PAMR1: variants seen among roughly 807,000 people sequenced by gnomAD.
The protein encoded by PAMR1 is peptidase domain containing associated with muscle regeneration 1, also known as inactive serine protease PAMR1.
PAMR1 carries 88 observed loss-of-function variants against 81.8 expected under a neutral mutation model. The observed-to-expected ratio is 1.08, with a 90% confidence interval of 0.91 to 1.28. The LOEUF (loss-of-function observed/expected upper bound fraction) is 1.28, where lower values mean the gene tolerates loss of function less well. PAMR1 is among the 50% of genes most tolerant of loss of function. The pLI is 0.00. For synonymous variants in PAMR1, 336 were observed against 345.3 expected (o/e 0.97, Z 0.30); for missense variants, 935 against 919.7 (o/e 1.02, Z -0.21).
At chr11:35,474,402 A>G (rs1283087761) in intron 4 of PAMR1, among the ~76,000 whole-genome samples, 2 of 152,304 alleles carry the variant, frequency 1.3e-5, no homozygotes, top group African/African-American at 4.8e-5. Context: ...TGCTTTGTTG[A>G]CGTTATCCTT....
chr11:35,523,565 C>T (rs1851325323), intron 1 of PAMR1, among the ~76,000 whole-genome samples: 1 of 152,218 alleles, frequency 6.6e-6, no homozygotes, highest in African/African-American at 2.4e-5. Context: ...TCTCTGGTAC[C>T]ATCCCAGTGG....
intron 2 of PAMR1, 29 bp downstream of exon 2, chr11:35,494,067 C>T (rs1850676193): frequency 6.9e-6 from 11 of 1,595,154 alleles, no homozygotes; most frequent in Non-Finnish European, 9.4e-6. Context: ...AACATGAAGG[C>T]AACCTGAAGT....
intron 6 of PAMR1, among the ~76,000 whole-genome samples, chr11:35,458,125 A>G (rs1479709257): frequency 1.3e-5 from 2 of 152,332 alleles, no homozygotes; most frequent in South Asian, 2.1e-4. Context: ...ACTTTTTAGA[A>G]AGATATAATA....
chr11:35,493,753 T>C lies in PAMR1; in HGVS notation c.250+343A>G, dbSNP rs571820093. ...ACTACACTGTATGGTAGCTGCCTGT[T>C]CTCCATATCCCCCCAGGCTATAAGC... On this transcript the variant is annotated intron_variant, in intron 2 of 10. Transcript: ENST00000619888. Among the ~76,000 whole-genome samples, 5 of 152,294 alleles carry C rather than the reference T, an allele frequency of 3.3e-5. No homozygotes were observed. The South Asian group carries it at 1.0e-3, about 32-fold the overall frequency.
upstream of PAMR1, among the ~76,000 whole-genome samples, chr11:35,526,710 G>C (rs768810165): frequency 2.0e-5 from 3 of 152,198 alleles, no homozygotes; most frequent in Non-Finnish European, 4.4e-5. Flanking sequence ...CTAGGCTATA[G>C]AGCTTCTTAG....
At chr11:35,510,235 C>T (rs539598067) in intron 1 of PAMR1, among the ~76,000 whole-genome samples, 7 of 152,270 alleles carry the variant, frequency 4.6e-5, no homozygotes, top group African/African-American at 9.6e-5. Context: ...TCCCCATTAT[C>T]AACATCCCCA....
At chr11:35,503,059 T>A (rs1161314030) in intron 1 of PAMR1, among the ~76,000 whole-genome samples, 3 of 152,196 alleles carry the variant, frequency 2.0e-5, no homozygotes, top group Non-Finnish European at 4.4e-5. Flanking sequence ...CATATACATA[T>A]CCTGTTTTCC....
intron 6 of PAMR1, among the ~76,000 whole-genome samples, chr11:35,459,766 T>A (rs1032062350): frequency 6.6e-6 from 1 of 152,326 alleles, no homozygotes; most frequent in East Asian, 1.9e-4. Flanking sequence ...CTGCATGGCA[T>A]GTAACATTCT....
upstream of PAMR1, among the ~76,000 whole-genome samples, chr11:35,526,429 T>A (rs1851391574): frequency 6.6e-6 from 1 of 152,178 alleles, no homozygotes; most frequent in African/African-American, 2.4e-5. Flanking sequence ...TCAGTTTAGG[T>A]ACAAGATAGC....
chr11:35,463,109 C>T (rs1166625307), intron 6 of PAMR1, among the ~76,000 whole-genome samples: 3 of 152,162 alleles, frequency 2.0e-5, no homozygotes, highest in Non-Finnish European at 2.9e-5. Flanking sequence ...CTCACTGGTT[C>T]GGCTTCATGT....
intron 6 of PAMR1, among the ~76,000 whole-genome samples, chr11:35,456,156 C>T (rs1204776796): frequency 6.6e-6 from 1 of 152,024 alleles, no homozygotes; most frequent in African/African-American, 2.4e-5. Context: ...TTTTCACTTG[C>T]ACCAATTCTT....
At chr11:35,506,880 T>C (rs1265607776) in intron 1 of PAMR1, among the ~76,000 whole-genome samples, 1 of 150,310 alleles carries the variant, frequency 6.7e-6, no homozygotes, top group South Asian at 2.1e-4. Context: ...TAGTTCTTTT[T>C]TTTTTTTTTG....
At chr11:35,512,121 T>C (rs1851085724) in intron 1 of PAMR1, among the ~76,000 whole-genome samples, 1 of 152,226 alleles carries the variant, frequency 6.6e-6, no homozygotes, top group African/African-American at 2.4e-5. Context: ...AAACTTTCAA[T>C]GGATTTGCTA....
At chr11:35,455,566 C>T (rs998893156) in intron 6 of PAMR1, among the ~76,000 whole-genome samples, 6 of 152,022 alleles carry the variant, frequency 3.9e-5, no homozygotes, top group African/African-American at 1.4e-4. Flanking sequence ...CTTAAGTCTC[C>T]AAGCCATAAG....
At chr11:35,461,515 A>T (rs998993795) in intron 6 of PAMR1, among the ~76,000 whole-genome samples, 2 of 152,146 alleles carry the variant, frequency 1.3e-5, no homozygotes, top group Non-Finnish European at 2.9e-5. Context: ...CATGGAGCCC[A>T]GGATAGTTCA....
At chr11:35,494,024 G>C in intron 2 of PAMR1, 72 bp downstream of exon 2, 1 of 1,192,698 alleles carries the variant, frequency 8.4e-7, no homozygotes, top group Non-Finnish European at 1.2e-6. Flanking sequence ...TAGAATTCAG[G>C]CGTTCAGCCT....
intron 6 of PAMR1, among the ~76,000 whole-genome samples, chr11:35,442,995 T>C (rs1208167578): frequency 1.3e-5 from 2 of 152,194 alleles, no homozygotes; most frequent in African/African-American, 2.4e-5. Context: ...TATTGCATTA[T>C]GCTGAGCTTT....
intron 3 of PAMR1, among the ~76,000 whole-genome samples, chr11:35,475,555 A>T (rs1489566979): frequency 1.3e-5 from 2 of 152,232 alleles, no homozygotes; most frequent in Non-Finnish European, 2.9e-5. Context: ...TAGTGTTAAG[A>T]TAAGCACAGG....
At chr11:35,527,884 CA>C (rs1340004816), upstream of PAMR1, among the ~76,000 whole-genome samples, 1 of 152,110 alleles carries the variant, frequency 6.6e-6, no homozygotes, top group Non-Finnish European at 1.5e-5. Flanking sequence ...CACCAGGGCC[CA>C]CCAACATCTA....
Sources: allele counts gnomAD v4.1 joint callset (sites outside exome capture counted in the v4.1 genomes callset), GRCh38; gene constraint gnomAD v4.1.1; transcripts MANE v1.5; gene names NCBI Gene and HGNC (gene_info 2026-07-23, HGNC 2026-07-21).